Variants in PDE10A observed in about 807,000 individuals in gnomAD.
PDE10A encodes the protein phosphodiesterase 10A.
A neutral mutation model predicts 97.7 loss-of-function variants in PDE10A; 39 were observed. The ratio of observed to expected loss-of-function variants is 0.40; its 90% CI spans 0.31 to 0.52. The LOEUF (loss-of-function observed/expected upper bound fraction) is 0.52. Ranked by LOEUF, PDE10A falls within the 20% of genes least tolerant of loss-of-function variation. PDE10A has a pLI of 0.56. For missense variants in PDE10A, 731 were observed against 1,047.8 expected (o/e 0.70, Z 4.17); for synonymous variants, 371 against 376.8 (o/e 0.98, Z 0.18).
intron 1 of PDE10A, among the ~76,000 whole-genome samples, chr6:165,757,127 C>T (rs1386769310): frequency 1.1e-4 from 17 of 152,012 alleles, no homozygotes; most frequent in Admixed American, 3.9e-4. Flanking sequence ...CCACCACATC[C>T]GGCTAATTTT....
At chr6:165,889,877 CTCCCTCA>C (rs1336905621) in intron 1 of PDE10A, among the ~76,000 whole-genome samples, 1 of 135,366 alleles carries the variant, frequency 7.4e-6, no homozygotes, top group African/African-American at 2.7e-5. Flanking sequence ...CTCCTCACTC[CTCCCTCA>C]CTCACTCCTC....
intron 1 of PDE10A, among the ~76,000 whole-genome samples, chr6:165,827,384 C>T (rs1779792937): frequency 6.6e-6 from 1 of 152,220 alleles, no homozygotes; most frequent in African/African-American, 2.4e-5. Flanking sequence ...CCAAGCTCCA[C>T]CCCGAACTCT....
intron 2 of PDE10A, among the ~76,000 whole-genome samples, chr6:165,520,152 C>A (rs1307588786): frequency 2.6e-5 from 4 of 152,146 alleles, no homozygotes; most frequent in Admixed American, 2.0e-4. Context: ...CATCAAGTTC[C>A]TTCTAGAAAG....
At chr6:165,941,765 G>T (rs1419012845) in intron 1 of PDE10A, among the ~76,000 whole-genome samples, 3 of 152,174 alleles carry the variant, frequency 2.0e-5, no homozygotes, top group Admixed American at 2.0e-4. Flanking sequence ...TGTACAGCAT[G>T]CAGAGCTGTG....
intron 1 of PDE10A, among the ~76,000 whole-genome samples, chr6:165,690,739 G>C (rs1791248808): frequency 6.6e-6 from 1 of 152,204 alleles, no homozygotes; most frequent in Non-Finnish European, 1.5e-5. Context: ...AGGTGCTTCT[G>C]TTCCACCCAC....
intron 2 of PDE10A, among the ~76,000 whole-genome samples, chr6:165,538,607 A>C (rs575385838): frequency 6.6e-6 from 1 of 152,296 alleles, no homozygotes; most frequent in African/African-American, 2.4e-5. Flanking sequence ...TTCTTCATGC[A>C]CCCTTTCTAA....
At chr6:165,521,124 A>G (rs778590490) in intron 2 of PDE10A, among the ~76,000 whole-genome samples, 10 of 152,310 alleles carry the variant, frequency 6.6e-5, no homozygotes, top group Middle Eastern at 6.8e-3. Context: ...TATCTGTTAT[A>G]GTGATCTGTA....
At chr6:165,966,094 A>C (rs189430987) in intron 1 of PDE10A, among the ~76,000 whole-genome samples, 178 of 152,372 alleles carry the variant, frequency 1.2e-3, no homozygotes, top group Non-Finnish European at 2.0e-3. Context: ...TTCATATTCC[A>C]AGTAATTGTA....
intron 1 of PDE10A, among the ~76,000 whole-genome samples, chr6:165,617,892 T>C (rs1225036607): frequency 2.0e-5 from 3 of 152,018 alleles, no homozygotes; most frequent in African/African-American, 4.8e-5. Flanking sequence ...CACAAAAAAT[T>C]AAGGCTTCTT....
chr6:165,846,586 A>G (rs992723825), intron 1 of PDE10A, among the ~76,000 whole-genome samples: 18 of 152,352 alleles, frequency 1.2e-4, no homozygotes, highest in Non-Finnish European at 8.8e-5. Flanking sequence ...CCATCAGTCC[A>G]CAAGCCTTTG....
chr6:165,883,899 G>A (rs771965555), intron 1 of PDE10A, among the ~76,000 whole-genome samples: 3 of 152,146 alleles, frequency 2.0e-5, no homozygotes, highest in Non-Finnish European at 2.9e-5. Context: ...AAATAAGCTC[G>A]GATCCTAGGT....
chr6:165,465,542 A>G (rs1160881515), intron 3 of PDE10A, among the ~76,000 whole-genome samples: 1 of 152,224 alleles, frequency 6.6e-6, no homozygotes, highest in African/African-American at 2.4e-5. Context: ...TGCTATGAAG[A>G]CATACCCAAG....
At chr6:165,817,572 C>T (rs1044864970) in intron 1 of PDE10A, among the ~76,000 whole-genome samples, 1 of 152,030 alleles carries the variant, frequency 6.6e-6, no homozygotes, top group Non-Finnish European at 1.5e-5. Context: ...GTTTCTACAC[C>T]CTAGATGTAG....
intron 1 of PDE10A, among the ~76,000 whole-genome samples, chr6:165,572,307 C>T (rs1257919046): frequency 6.6e-6 from 1 of 152,170 alleles, no homozygotes; most frequent in Non-Finnish European, 1.5e-5. Context: ...AAATACATCA[C>T]TTAACATTTC....
At chr6:165,846,374 T>G (rs561154209) in intron 1 of PDE10A, among the ~76,000 whole-genome samples, 1 of 152,342 alleles carries the variant, frequency 6.6e-6, no homozygotes, top group Admixed American at 6.5e-5. Flanking sequence ...AATAAAGTTG[T>G]GTCACCGAGG....
chr6:165,358,373 G>T (rs2128190659), intron 18 of PDE10A, among the ~76,000 whole-genome samples: 1 of 152,028 alleles, frequency 6.6e-6, no homozygotes, highest in Admixed American at 6.6e-5. Context: ...TTGAAGCTTT[G>T]TTATTAGGTG....
chr6:165,907,222 G>A (rs1295567152), intron 1 of PDE10A, among the ~76,000 whole-genome samples: 1 of 152,262 alleles, frequency 6.6e-6, no homozygotes, highest in African/African-American at 2.4e-5. Context: ...CTGGTGCAGT[G>A]CAGGCCTGCC....
rs1790363564 is a variant in PDE10A, at chr6:165,662,888, C to G, written c.-77G>C. On this transcript the variant is annotated 5_prime_UTR_variant, in exon 1 of 22. Coordinates refer to ENST00000539869, the MANE Select transcript of PDE10A (RefSeq NM_001385079.1). Reference sequence around the variant, plus strand: ...GGGCCGGGGCTCGGTGGGCTCCGCCCCCGCAGGACCTGCCCACCCCTGCCG... The same window carrying G: ...GGGCCGGGGCTCGGTGGGCTCCGCCGCCGCAGGACCTGCCCACCCCTGCCG... Among the ~76,000 whole-genome samples, 1 of 151,014 alleles carries G rather than the reference C, an allele frequency of 6.6e-6. No individual in the cohort carries two copies. The highest frequency in any genetic ancestry group is 2.4e-5 in the African/African-American group (1 of 41,188).
At chr6:165,510,625 G>T (rs1781454151) in intron 2 of PDE10A, among the ~76,000 whole-genome samples, 1 of 151,866 alleles carries the variant, frequency 6.6e-6, no homozygotes, top group Admixed American at 6.6e-5. Context: ...ACTATGTTTG[G>T]CAGAATTCAA....
Sources: gnomAD v4.1 joint callset for allele counts (sites outside exome capture counted in the v4.1 genomes callset) on GRCh38, gnomAD v4.1.1 for gene constraint, MANE v1.5 for transcripts, NCBI Gene and HGNC (gene_info 2026-07-23, HGNC 2026-07-21) for gene names.